The following DENND4A variants were observed in gnomAD, a reference collection of about 807,000 sequenced individuals.
DENND4A encodes C-myc promoter-binding protein.
Under a neutral mutation model 199.3 loss-of-function variants are expected in DENND4A, and 70 were observed. The observed-to-expected ratio is 0.35, with a 90% CI of 0.29 to 0.43. DENND4A has a LOEUF of 0.43. Ranked by LOEUF, DENND4A falls within the 20% of genes least tolerant of loss-of-function variation. The probability of loss-of-function intolerance (pLI) is 1.00; values close to 1 mark genes in which losing one functional copy is unlikely to be tolerated. For missense variants in DENND4A, 1,723 were observed against 2,255.8 expected, an observed-to-expected ratio of 0.76 and a Z score of 4.78; for synonymous variants, 686 against 766.9, an observed-to-expected ratio of 0.89 and a Z score of 1.74.
Position 65,756,372 on chromosome 15 carries a change from C to T in DENND4A, c.79G>A (p.Glu27Lys), listed in dbSNP as rs1298472326. 2 of 1,613,840 alleles carry T rather than the reference C, an allele frequency of 1.2e-6. No homozygotes were observed. The highest frequency in any genetic ancestry group is 1.7e-6 in the Non-Finnish European group (2 of 1,179,876). Residue 27 changes from glutamate to lysine, a missense_variant, in exon 3 of 33, where the codon GAA (glutamate) becomes AAA (lysine). Transcript: ENST00000443035. ...GLTDVSKPLE[E>K]EIHFNDACHK... ...CAAGCATCATTGAAGTGAATTTCTT[C>T]TTCTAGAGGCTTTGAAACATCAGTT...
chr15:65,675,741 T>C (rs1319033725), intron 24 of DENND4A, among the ~76,000 whole-genome samples: 1 of 152,152 alleles, frequency 6.6e-6, no homozygotes, highest in African/African-American at 2.4e-5. Context: ...CCAACATAGT[T>C]TGTTGACAAG....
chr15:65,675,884 A>G (rs950230232), intron 24 of DENND4A, among the ~76,000 whole-genome samples: 33 of 152,234 alleles, frequency 2.2e-4, no homozygotes, highest in African/African-American at 7.9e-4. Flanking sequence ...AAAATATAAC[A>G]TATATGCATT....
At chr15:65,768,280 G>A (rs1411612625) in intron 1 of DENND4A, among the ~76,000 whole-genome samples, 2 of 152,162 alleles carry the variant, frequency 1.3e-5, no homozygotes, top group African/African-American at 4.8e-5. Context: ...GCATCCCAAA[G>A]TGTTGGAATA....
intron 3 of DENND4A, among the ~76,000 whole-genome samples, chr15:65,754,345 G>A (rs1042945288): frequency 6.6e-6 from 1 of 152,094 alleles, no homozygotes; most frequent in African/African-American, 2.4e-5. Context: ...CCTACACACA[G>A]AGAAGTTAGA....
chr15:65,679,568 T>C (rs2076501872), intron 23 of DENND4A, among the ~76,000 whole-genome samples: 1 of 152,042 alleles, frequency 6.6e-6, no homozygotes, highest in Non-Finnish European at 1.5e-5. Context: ...TTTTGCTCTG[T>C]CATCCAGGCT....
At chr15:65,680,408 TGAG>T (rs1467713317) in intron 23 of DENND4A, among the ~76,000 whole-genome samples, 3 of 152,338 alleles carry the variant, frequency 2.0e-5, no homozygotes, top group African/African-American at 4.8e-5. Context: ...AATGGGATTT[TGAG>T]GAGGAGGGAA....
chr15:65,740,963 C>T (rs982533430), intron 5 of DENND4A, among the ~76,000 whole-genome samples: 2 of 151,690 alleles, frequency 1.3e-5, no homozygotes, highest in Non-Finnish European at 2.9e-5. Context: ...CCCCGTACCC[C>T]CCCCAAAAAA....
chr15:65,784,348 T>C (rs928454393), intron 1 of DENND4A, among the ~76,000 whole-genome samples: 5 of 151,912 alleles, frequency 3.3e-5, no homozygotes, highest in Non-Finnish European at 7.4e-5. Flanking sequence ...AAAATCCAAA[T>C]AAATGAATTT....
intron 23 of DENND4A, among the ~76,000 whole-genome samples, chr15:65,683,648 T>C (rs2076656154): frequency 6.6e-6 from 1 of 152,212 alleles, no homozygotes; most frequent in South Asian, 2.1e-4. Context: ...GTGTTCAGGT[T>C]TTTCTTGATC....
rs879312103 is a variant in DENND4A, at chr15:65,740,280, C to CA, written c.632-1406dup. Among the ~76,000 whole-genome samples the CA allele has an allele frequency of 5.1e-3, 548 of 107,870 alleles. 1 individual carries two copies. Among genetic ancestry groups the CA allele is most frequent in the Non-Finnish European group, 7.3e-3 (363 of 49,852 alleles). 70.8% of individuals were successfully genotyped at this position (107,870 alleles called of 152,430 possible). ...GGCAACACAGTGAGATTCCATCTCC[C>CA]AAAAAAAAAAAAAGAAAGAAAAAAA... On this transcript the variant is annotated intron_variant, in intron 5 of 32. Coordinates refer to ENST00000443035, the MANE Select transcript of DENND4A (RefSeq NM_001320835.1).
At chr15:65,671,312 A>C (rs2076208402) in intron 25 of DENND4A, among the ~76,000 whole-genome samples, 1 of 152,332 alleles carries the variant, frequency 6.6e-6, no homozygotes, top group East Asian at 1.9e-4. Flanking sequence ...GAAATACTGG[A>C]TATCCAAAAG....
chr15:65,776,748 A>G (rs1345642526), intron 1 of DENND4A, among the ~76,000 whole-genome samples: 1 of 152,258 alleles, frequency 6.6e-6, no homozygotes, highest in Non-Finnish European at 1.5e-5. Flanking sequence ...CCATGAGCGA[A>G]TATATGAATT....
chr15:65,681,357 C>T (rs1397165603), intron 23 of DENND4A: 1 of 152,186 alleles, frequency 6.6e-6, no homozygotes, highest in Non-Finnish European at 1.5e-5. Context: ...GAAGAGAATC[C>T]TTTCCAGAAG....
intron 1 of DENND4A, among the ~76,000 whole-genome samples, chr15:65,780,088 G>A (rs2077397626): frequency 6.6e-6 from 1 of 152,084 alleles, no homozygotes; most frequent in African/African-American, 2.4e-5. Context: ...TTACAATAAT[G>A]GAAGAAGGCA....
chr15:65,664,079 T>C (rs1028834387), intron 32 of DENND4A, among the ~76,000 whole-genome samples: 3 of 152,198 alleles, frequency 2.0e-5, no homozygotes, highest in African/African-American at 7.2e-5. Flanking sequence ...TTTTTTGGTA[T>C]ATTCACAAGA....
intron 1 of DENND4A, among the ~76,000 whole-genome samples, chr15:65,769,198 T>TAC (rs3082834): frequency 0.15 from 22,642 of 146,222 alleles, 1,729 homozygotes; most frequent in African/African-American, 0.2. Context: ...ATATAAGGTA[T>TAC]ACACACACAC....
intron 2 of DENND4A, among the ~76,000 whole-genome samples, chr15:65,760,500 TAATAAATA>T (rs918365774): frequency 1.3e-5 from 2 of 149,374 alleles, no homozygotes; most frequent in Middle Eastern, 3.7e-3. Context: ...TGTCACAAAA[TAATAAATA>T]AATAAATAAA....
intron 11 of DENND4A, among the ~76,000 whole-genome samples, chr15:65,728,522 T>C (rs1465673726): frequency 6.6e-6 from 1 of 151,396 alleles, no homozygotes. Flanking sequence ...TCACTGTTGT[T>C]GCCCAGGCTG....
intron 1 of DENND4A, among the ~76,000 whole-genome samples, chr15:65,762,917 A>G (rs2076889037): frequency 6.6e-6 from 1 of 152,238 alleles, no homozygotes; most frequent in South Asian, 2.1e-4. Flanking sequence ...AGAATCATTT[A>G]TATCAAATCT....
Sources: allele counts gnomAD v4.1 joint callset (sites outside exome capture counted in the v4.1 genomes callset), GRCh38; gene constraint gnomAD v4.1.1; transcripts MANE v1.5; gene names NCBI Gene and HGNC (gene_info 2026-07-23, HGNC 2026-07-21).